Variants in CLNK observed in about 807,000 individuals in gnomAD.
The protein encoded by CLNK is cytokine dependent hematopoietic cell linker.
In CLNK, 74 loss-of-function variants were observed where a neutral mutation model predicts 68.6. The observed-to-expected ratio is 1.08, with a 90% CI of 0.89 to 1.31. The LOEUF (loss-of-function observed/expected upper bound fraction) is 1.31. Among genes scored for constraint, CLNK ranks in the 50% most tolerant of loss-of-function variants. CLNK has a pLI of 0.00. For synonymous variants in CLNK, 198 were observed against 172.2 expected (o/e 1.15, Z -1.17); for missense variants, 553 against 515.3 (o/e 1.07, Z -0.71).
chr4:10,531,982 G>A (rs1451871615), intron 12 of CLNK, among the ~76,000 whole-genome samples: 1 of 152,204 alleles, frequency 6.6e-6, no homozygotes, highest in African/African-American at 2.4e-5. Flanking sequence ...AGTCGATACT[G>A]TATATCTTCC....
intron 8 of CLNK, among the ~76,000 whole-genome samples, chr4:10,544,361 T>C (rs1719144845): frequency 1.3e-5 from 2 of 152,240 alleles, no homozygotes; most frequent in South Asian, 4.1e-4. Context: ...TTTTAATATA[T>C]GCATTGATGT....
intron 4 of CLNK, among the ~76,000 whole-genome samples, chr4:10,582,280 A>C (rs1027708675): frequency 4.6e-5 from 7 of 152,250 alleles, no homozygotes; most frequent in Non-Finnish European, 7.3e-5. Context: ...TTGGATGCTC[A>C]CATATTCTAT....
chr4:10,591,891 C>G (rs1389975713), intron 3 of CLNK, among the ~76,000 whole-genome samples: 1 of 152,196 alleles, frequency 6.6e-6, no homozygotes, highest in African/African-American at 2.4e-5. Context: ...CTCCTCTTAC[C>G]TATTTTATTT....
intron 3 of CLNK, among the ~76,000 whole-genome samples, chr4:10,595,252 G>C (rs7694378): frequency 0.16 from 23,708 of 152,092 alleles, 1,926 homozygotes; most frequent in Middle Eastern, 0.18. Context: ...ATGGGAATAC[G>C]AATGCCTACT....
chr4:10,655,675 A>G (rs1723947835), intron 2 of CLNK, among the ~76,000 whole-genome samples: 3 of 107,230 alleles, frequency 2.8e-5, no homozygotes, highest in Admixed American at 1.4e-4. Flanking sequence ...TTTGAGACAG[A>G]GTCTTGCCCT....
chr4:10,721,825 A>G, the CLNK span, among the ~76,000 whole-genome samples: 1 of 152,202 alleles, frequency 6.6e-6, no homozygotes, highest in African/African-American at 2.4e-5. Flanking sequence ...CCAACCAAAC[A>G]ACCAAGGTTG....
chr4:10,620,024 G>C (rs1722375725), intron 2 of CLNK, among the ~76,000 whole-genome samples: 1 of 152,148 alleles, frequency 6.6e-6, no homozygotes, highest in Non-Finnish European at 1.5e-5. Flanking sequence ...ACAAGAATGT[G>C]AGAAATCTGT....
At chr4:10,501,121 G>A in intron 18 of CLNK, 135 bp downstream of exon 18, 1 of 840,366 alleles carries the variant, frequency 1.2e-6, no homozygotes, top group East Asian at 2.9e-5. Context: ...AGATATTTGT[G>A]GAAGGGGTGG....
At chr4:10,530,535 A>G (rs895552727) in intron 12 of CLNK, among the ~76,000 whole-genome samples, 2 of 152,242 alleles carry the variant, frequency 1.3e-5, no homozygotes, top group African/African-American at 2.4e-5. Context: ...CTTGTTCTTT[A>G]GATGATATCA....
the CLNK span, among the ~76,000 whole-genome samples, chr4:10,693,289 T>C: frequency 6.6e-6 from 1 of 152,170 alleles, no homozygotes; most frequent in Non-Finnish European, 1.5e-5. Flanking sequence ...GAATGTGACC[T>C]TATTTGGAAA....
intron 4 of CLNK, among the ~76,000 whole-genome samples, chr4:10,572,436 T>C (rs1046226447): frequency 3.9e-5 from 6 of 152,236 alleles, no homozygotes; most frequent in African/African-American, 1.4e-4. Context: ...CTCAGTATTC[T>C]ATGTTTAAAA....
intron 2 of CLNK, among the ~76,000 whole-genome samples, chr4:10,614,642 A>C (rs1049669971): frequency 2.0e-5 from 3 of 152,232 alleles, no homozygotes; most frequent in Non-Finnish European, 2.9e-5. Context: ...CGAAATCTGC[A>C]TTGTAATAAG....
intron 2 of CLNK, among the ~76,000 whole-genome samples, chr4:10,652,914 C>T (rs896600125): frequency 1.3e-5 from 2 of 152,140 alleles, no homozygotes; most frequent in Non-Finnish European, 2.9e-5. Context: ...CGGCACTGTT[C>T]ACAACAGCAA....
chr4:10,550,830 C>T (rs1349911898), intron 8 of CLNK, among the ~76,000 whole-genome samples: 1 of 152,164 alleles, frequency 6.6e-6, no homozygotes, highest in Non-Finnish European at 1.5e-5. Flanking sequence ...AATCACTTTA[C>T]ATCTTCTCTT....
At chr4:10,540,032 T>C (rs1051064895) in intron 11 of CLNK, among the ~76,000 whole-genome samples, 2 of 152,228 alleles carry the variant, frequency 1.3e-5, no homozygotes, top group African/African-American at 4.8e-5. Context: ...GTATAACTGG[T>C]TAGGCTTTTG....
chr4:10,526,108 T>C (rs1054398633), intron 13 of CLNK, among the ~76,000 whole-genome samples, 186 bp from the exon 14 acceptor site: 2 of 152,292 alleles, frequency 1.3e-5, no homozygotes, highest in East Asian at 3.9e-4. Context: ...CAGAATGACT[T>C]TTGCTCTGAG....
At chr4:10,601,661 C>T (rs923806805) in intron 2 of CLNK, among the ~76,000 whole-genome samples, 19 of 152,132 alleles carry the variant, frequency 1.2e-4, no homozygotes, top group African/African-American at 3.4e-4. Context: ...CTCAAGGTTC[C>T]CAAGTTGGCT....
At chr4:10,697,991 A>G in the CLNK span, among the ~76,000 whole-genome samples, 4 of 152,220 alleles carry the variant, frequency 2.6e-5, no homozygotes, top group Non-Finnish European at 4.4e-5. Flanking sequence ...ATATATGTCT[A>G]TGGAAGTGCT....
chr4:10,651,480 T>C (rs1723734040), intron 2 of CLNK, among the ~76,000 whole-genome samples: 2 of 152,100 alleles, frequency 1.3e-5, no homozygotes, highest in South Asian at 4.1e-4. Flanking sequence ...TTCTCACTCA[T>C]AAGTGGGAAT....
Sources: allele counts gnomAD v4.1 joint callset (sites outside exome capture counted in the v4.1 genomes callset), GRCh38; gene constraint gnomAD v4.1.1; transcripts MANE v1.5; gene names NCBI Gene and HGNC (gene_info 2026-07-23, HGNC 2026-07-21).